The following SYNE2 variants were observed in gnomAD, a reference collection of about 807,000 sequenced individuals.
SYNE2 encodes nesprin-2.
A neutral mutation model predicts 856.3 loss-of-function variants in SYNE2; 431 were observed. That is an observed-to-expected ratio of 0.50 (90% CI 0.47 to 0.55). The LOEUF (loss-of-function observed/expected upper bound fraction) is 0.55, where lower values mean the gene tolerates loss of function less well. Ranked by LOEUF, SYNE2 falls within the 20% of genes least tolerant of loss-of-function variation. SYNE2 has a pLI of 0.00. For missense variants in SYNE2, 8,129 were observed against 8,023.2 expected (o/e 1.01, Z -0.50); for synonymous variants, 2,923 against 2,872.3 (o/e 1.02, Z -0.56).
At chr14:63,899,463 A>C (rs1373726764) in intron 1 of SYNE2, among the ~76,000 whole-genome samples, 1 of 151,614 alleles carries the variant, frequency 6.6e-6, no homozygotes, top group East Asian at 1.9e-4. Context: ...TGGCCTCCCA[A>C]AGTGCTGGGA....
Position 64,019,996 on chromosome 14 carries a change from A to C in SYNE2, c.5054A>C (p.Glu1685Ala). ...CTTTAAAATTACATGTTTTAGGAAGAATTACAAGTCCATGAACAAAAAACT... is the reference window on the plus strand; with the variant it reads ...CTTTAAAATTACATGTTTTAGGAAGCATTACAAGTCCATGAACAAAAAACT... ...TEEDRERLKE[E>A]LQVHEQKTSE... The change falls in exon 35 of 116, where the codon GAA (glutamate) becomes GCA (alanine). Residue 1685 changes from glutamate to alanine, a missense_variant. Glu to Ala is a moderately radical substitution (Grantham distance 107). Transcript: ENST00000555002. 1 of 1,603,114 alleles carries C rather than the reference A, an allele frequency of 6.2e-7. No homozygotes were observed. The highest frequency in any genetic ancestry group is 8.5e-7 in the Non-Finnish European group (1 of 1,170,128).
chr14:64,211,649 A>G (rs1030520452), intron 103 of SYNE2, among the ~76,000 whole-genome samples: 5 of 152,364 alleles, frequency 3.3e-5, no homozygotes, highest in Middle Eastern at 3.4e-3. Flanking sequence ...GATTTGGACT[A>G]GAGAATTTTA....
At chr14:63,997,946 A>T (rs1285225089) in intron 25 of SYNE2, among the ~76,000 whole-genome samples, 1 of 152,136 alleles carries the variant, frequency 6.6e-6, no homozygotes, top group Non-Finnish European at 1.5e-5. Flanking sequence ...GCTTCTGTCT[A>T]CTTTTGACTA....
At position 64,153,926 on chromosome 14, in the gene SYNE2, G is replaced by A. The variant is rs1226774885; in HGVS notation, c.15792+1210G>A. On this transcript the variant is annotated intron_variant, in intron 85 of 115. Transcript: ENST00000555002. ...CAAGGATCCTCAGACAATTTAATGA[G>A]GGAAAACACTTTCTTGAAAAATGGT... 3.9e-5 allele frequency among the ~76,000 whole-genome samples: 6 copies of A among 152,042 alleles called. No individual in the cohort carries two copies. The East Asian group carries it at 1.2e-3, about 29-fold the overall frequency.
At position 64,053,465 on chromosome 14, in the gene SYNE2, T is replaced by C. The variant is rs2153577571; in HGVS notation, c.9552T>C (p.His3184=). ...TACTTATAAATTTGGAAATTAAACATATTCAAAATGAAAAGGACAATTGTG... is the reference window on the plus strand; with the variant it reads ...TACTTATAAATTTGGAAATTAAACACATTCAAAATGAAAAGGACAATTGTG... ...QPLLINLEIK[H]IQNEKDNCEA... is the part of the protein sequence containing the mutation. Residue 3184 remains histidine, a synonymous_variant, in exon 48 of 116, where the codon CAT becomes CAC. Transcript: ENST00000555002. 3.7e-6 allele frequency: 6 copies of C among 1,613,984 alleles called. No individual in the cohort carries two copies. The highest frequency in any genetic ancestry group is 5.1e-6 in the Non-Finnish European group (6 of 1,180,010).
chr14:64,004,149 C>G (rs188515720), intron 30 of SYNE2, among the ~76,000 whole-genome samples: 1 of 151,538 alleles, frequency 6.6e-6, no homozygotes, highest in African/African-American at 2.4e-5. Context: ...CTCAGCTTCC[C>G]GAGTAGCTGG....
intron 1 of SYNE2, among the ~76,000 whole-genome samples, chr14:63,866,205 A>G (rs1205467872): frequency 6.6e-6 from 1 of 152,214 alleles, no homozygotes; most frequent in Non-Finnish European, 1.5e-5. Flanking sequence ...TGCATTCCAC[A>G]ACATTTTCCT....
chr14:63,884,327 GGTAGGAGTTACTC>G (rs2094932422), intron 1 of SYNE2, among the ~76,000 whole-genome samples: 1 of 152,152 alleles, frequency 6.6e-6, no homozygotes, highest in South Asian at 2.1e-4. Context: ...AAAGAGTAAA[GGTAGGAGTTACTC>G]GTTGAGAGTG....
chr14:63,951,314 T>G (rs1443401986), intron 7 of SYNE2, among the ~76,000 whole-genome samples: 2 of 152,080 alleles, frequency 1.3e-5, no homozygotes, highest in Non-Finnish European at 2.9e-5. Context: ...TTCTTTTCTT[T>G]TTTTTGAGAG....
intron 65 of SYNE2, chr14:64,113,073 C>T: frequency 1.0e-6 from 1 of 985,410 alleles, no homozygotes; most frequent in African/African-American, 1.7e-5. Context: ...TCCTGGGGCT[C>T]ACCGGGTAGT....
Position 64,159,317 on chromosome 14 carries a change from G to C in SYNE2, c.15969G>C (p.Leu5323=), listed in dbSNP as rs1432308896. Residue 5323 remains leucine, a synonymous_variant, in exon 87 of 116, where the codon CTG becomes CTC. Coordinates refer to ENST00000555002, the MANE Select transcript of SYNE2 (RefSeq NM_182914.3). ...LRCQVENLQS[L]QDEAESSEGS... ...TTCTTGTTTGTGTCTCTTAGTCTCT[G>C]CAAGATGAAGCTGAGAGCAGTGAAG... 1.9e-6 allele frequency: 3 copies of C among 1,613,874 alleles called. No homozygotes were observed. The highest frequency in any genetic ancestry group is 2.2e-5 in the East Asian group (1 of 44,874).
chr14:64,111,819 A>T (rs984487646), intron 65 of SYNE2, among the ~76,000 whole-genome samples: 1 of 152,182 alleles, frequency 6.6e-6, no homozygotes, highest in Admixed American at 6.5e-5. Flanking sequence ...AAAGGTCAGG[A>T]TTAAAAAAGA....
chr14:64,183,096 G>A (rs1198217626), intron 96 of SYNE2, among the ~76,000 whole-genome samples: 12 of 147,392 alleles, frequency 8.1e-5, no homozygotes, highest in African/African-American at 2.6e-4. Flanking sequence ...GCTGCCGGGC[G>A]GAGGGGCTCC....
rs202153501 is a variant in SYNE2 at position 64,029,936 on chromosome 14, T to C, written c.6756T>C (p.Asp2252=). ...QNLDGHVREH[D]SYQVCVTDLN... is the part of the protein sequence containing the mutation. ...TGGACGGTCACGTTCGAGAACATGA[T>C]TCATACCAGGTTTGCGTCACAGACC... The change falls in exon 44 of 116, where the codon GAT becomes GAC. Residue 2252 remains aspartate (D), a synonymous_variant. Transcript: ENST00000555002. 9 of 1,614,102 alleles carry C rather than the reference T, an allele frequency of 5.6e-6. No individual in the cohort carries two copies. The highest frequency in any genetic ancestry group is 7.6e-6 in the Non-Finnish European group (9 of 1,179,994).
intron 33 of SYNE2, among the ~76,000 whole-genome samples, chr14:64,017,140 G>GCCAA (rs2096898202): frequency 1.3e-5 from 2 of 151,876 alleles, no homozygotes; most frequent in Admixed American, 1.3e-4. Context: ...GACCAGCCTG[G>GCCAA]CCAACATGGT....
intron 2 of SYNE2, among the ~76,000 whole-genome samples, chr14:63,934,059 C>T (rs2095799300): frequency 6.6e-6 from 1 of 152,110 alleles, no homozygotes; most frequent in Admixed American, 6.5e-5. Flanking sequence ...TTTAATTGCA[C>T]CTGGGATGTC....
At chr14:63,831,189 T>G (rs1249884595) in intron 1 of SYNE2, among the ~76,000 whole-genome samples, 1 of 152,076 alleles carries the variant, frequency 6.6e-6, no homozygotes, top group Non-Finnish European at 1.5e-5. Context: ...CTTGATTAGC[T>G]AGAATCTTTG....
At chr14:64,028,561 T>A (rs1193603162) in intron 43 of SYNE2, among the ~76,000 whole-genome samples, 1 of 152,106 alleles carries the variant, frequency 6.6e-6, no homozygotes, top group Non-Finnish European at 1.5e-5. Flanking sequence ...AGCTCCTAAT[T>A]TATCATTTTT....
intron 2 of SYNE2, among the ~76,000 whole-genome samples, chr14:63,926,432 A>G (rs7155075): frequency 0.52 from 79,606 of 151,954 alleles, 23,084 homozygotes; most frequent in Non-Finnish European, 0.64. Context: ...GGGATTGACA[A>G]ACTTTTTCTG....
Sources: allele counts gnomAD v4.1 joint callset (sites outside exome capture counted in the v4.1 genomes callset), GRCh38; gene constraint gnomAD v4.1.1; transcripts MANE v1.5; gene names NCBI Gene and HGNC (gene_info 2026-07-23, HGNC 2026-07-21).